CASD1: variants seen among roughly 807,000 people sequenced by gnomAD.
CASD1 encodes the protein N-acetylneuraminate (7)9-O-acetyltransferase.
A neutral mutation model predicts 100.0 loss-of-function variants in CASD1; 41 were observed. The ratio of observed to expected loss-of-function variants is 0.41; its 90% CI spans 0.32 to 0.53. CASD1 has a LOEUF of 0.53. CASD1 is among the 20% of genes least tolerant of loss of function. The pLI is 0.25. For synonymous variants in CASD1, 321 were observed against 315.6 expected (o/e 1.02, Z -0.18); for missense variants, 774 against 948.7 (o/e 0.82, Z 2.42).
Position 94,510,063 on chromosome 7 carries a change from C to T in CASD1, c.-22C>T, listed in dbSNP as rs777948266. On this transcript the variant is annotated 5_prime_UTR_variant, in exon 1 of 18. Transcript: ENST00000297273. ...CGCCCCTTTCCCGCTCCGCCGCGCA[C>T]TGTTGTCATGGAGGAACCAAGATGG... The T allele has an allele frequency of 3.0e-5, 45 of 1,496,412 alleles. No homozygotes were observed. Among genetic ancestry groups the T allele is most frequent in the Non-Finnish European group, 3.5e-5 (39 of 1,118,640 alleles). The allele number at this position is 1,496,412 out of a possible 1,614,324, so 92.7% of individuals were successfully genotyped here.
the CASD1 span, chr7:94,587,920 T>TA: frequency 2.7e-6 from 4 of 1,455,828 alleles, no homozygotes; most frequent in Non-Finnish European, 3.6e-6. Context: ...ATAGTTTCCC[T>TA]ACCACAATGC....
intron 3 of CASD1, among the ~76,000 whole-genome samples, chr7:94,519,845 C>T (rs1174156273): frequency 1.3e-5 from 2 of 152,108 alleles, no homozygotes; most frequent in African/African-American, 4.8e-5. Flanking sequence ...TTTCTGATTA[C>T]TATGAAGGTT....
chr7:94,515,598 C>T (rs895435364), intron 1 of CASD1, among the ~76,000 whole-genome samples: 1 of 152,060 alleles, frequency 6.6e-6, no homozygotes, highest in African/African-American at 2.4e-5. Context: ...GTGTTTCCAT[C>T]TCTATAAAAA....
At chr7:94,582,499 T>G in the CASD1 span, among the ~76,000 whole-genome samples, 1 of 152,224 alleles carries the variant, frequency 6.6e-6, no homozygotes. Context: ...TTGCCCACTT[T>G]TTAATGTTTT....
At chr7:94,577,539 C>T in the CASD1 span, among the ~76,000 whole-genome samples, 2 of 152,176 alleles carry the variant, frequency 1.3e-5, no homozygotes, top group African/African-American at 4.8e-5. Context: ...TGCACAGAGA[C>T]TCAGGATTAT....
intron 3 of CASD1, among the ~76,000 whole-genome samples, chr7:94,525,509 C>T (rs2116254498): frequency 6.6e-6 from 1 of 152,078 alleles, no homozygotes; most frequent in East Asian, 1.9e-4. Context: ...ATATATGTGA[C>T]TTATTTGTAT....
chr7:94,575,541 G>T, the CASD1 span, among the ~76,000 whole-genome samples: 1 of 152,156 alleles, frequency 6.6e-6, no homozygotes, highest in Non-Finnish European at 1.5e-5. Flanking sequence ...GGAGAGTTCT[G>T]TAGAGGTCCA....
intron 6 of CASD1, 100 bp downstream of exon 6, chr7:94,533,349 A>T (rs1794945661): frequency 1.1e-6 from 1 of 875,466 alleles, no homozygotes; most frequent in Admixed American, 2.4e-5. Flanking sequence ...ATTGTACCTA[A>T]ATTTTTAATT....
the CASD1 span, among the ~76,000 whole-genome samples, chr7:94,608,711 G>A: frequency 1.3e-5 from 2 of 152,080 alleles, no homozygotes; most frequent in Non-Finnish European, 1.5e-5. Flanking sequence ...TGTAGTATTG[G>A]GAAATAATTG....
chr7:94,629,586 C>T, the CASD1 span: 2 of 821,768 alleles, frequency 2.4e-6, no homozygotes, highest in Non-Finnish European at 4.0e-6. Context: ...GAGAAATATC[C>T]TACAACAATT....
chr7:94,605,238 G>C, the CASD1 span, among the ~76,000 whole-genome samples: 2 of 151,916 alleles, frequency 1.3e-5, no homozygotes, highest in Non-Finnish European at 2.9e-5. Flanking sequence ...ATATGCAGAG[G>C]GCTCTAATGA....
At chr7:94,520,198 GTC>G (rs1345906816) in intron 3 of CASD1, among the ~76,000 whole-genome samples, 5 of 152,140 alleles carry the variant, frequency 3.3e-5, no homozygotes, top group African/African-American at 1.2e-4. Flanking sequence ...GTGTTACCTT[GTC>G]TCTGCACACC....
rs200918087 is a variant in CASD1 at position 94,538,873 on chromosome 7, T to TG, written c.1267-93dup. 359 of 553,294 alleles carry TG rather than the reference T, an allele frequency of 6.5e-4. 2 individuals are homozygous for TG. The highest frequency in any genetic ancestry group is 6.2e-3 in the African/African-American group (317 of 51,526). The allele number at this position is 553,294 out of a possible 1,614,324, so 34.3% of individuals were successfully genotyped here. A position where few individuals can be genotyped will look rare whatever the true frequency, so the allele number is the denominator to read the frequency against. ...TCTTTTGACAGAAGCATTAGCTTTA[T>TG]GTCCTATAAGAAAACTTTTAACATA... On this transcript the variant is annotated intron_variant, in intron 9 of 17. Transcript: ENST00000297273.
At chr7:94,585,377 A>G in the CASD1 span, 1 of 874,310 alleles carries the variant, frequency 1.1e-6, no homozygotes, top group Non-Finnish European at 1.9e-6. Context: ...TATACACTTA[A>G]TACTGCCAAC....
At chr7:94,523,040 G>A (rs909569110) in intron 3 of CASD1, among the ~76,000 whole-genome samples, 1 of 152,114 alleles carries the variant, frequency 6.6e-6, no homozygotes, top group Non-Finnish European at 1.5e-5. Context: ...CTTGCTTTAA[G>A]GTAAGTTACT....
the CASD1 span, chr7:94,619,070 C>G: frequency 5.2e-6 from 4 of 764,556 alleles, no homozygotes; most frequent in Non-Finnish European, 9.3e-6. Flanking sequence ...CAGCAGGAAG[C>G]AATATTAATA....
chr7:94,628,860 C>G, the CASD1 span: 1 of 158,510 alleles, frequency 6.3e-6, no homozygotes, highest in African/African-American at 2.4e-5. Context: ...GTACTAACGA[C>G]AGCATTTATT....
At chr7:94,527,811 G>A (rs1315603055) in intron 4 of CASD1, among the ~76,000 whole-genome samples, 15 of 152,150 alleles carry the variant, frequency 9.9e-5, no homozygotes, top group Admixed American at 9.8e-4. Flanking sequence ...GAGAGCAAGG[G>A]TACAAGTGGC....
chr7:94,600,157 A>G, the CASD1 span: 4 of 184,760 alleles, frequency 2.2e-5, no homozygotes, highest in African/African-American at 2.4e-5. Flanking sequence ...TTGTTACTCA[A>G]ATTATACCTT....
Sources: allele counts gnomAD v4.1 joint callset (sites outside exome capture counted in the v4.1 genomes callset), GRCh38; gene constraint gnomAD v4.1.1; transcripts MANE v1.5; gene names NCBI Gene and HGNC (gene_info 2026-07-23, HGNC 2026-07-21).